The following LINGO2 variants were observed in gnomAD, a reference collection of about 807,000 sequenced individuals.
LINGO2 encodes the protein leucine-rich repeat and immunoglobulin-like domain-containing nogo receptor-interacting protein 2.
LINGO2 carries 14 observed loss-of-function variants against 30.6 expected under a neutral mutation model. The ratio of observed to expected loss-of-function variants is 0.46; its 90% CI spans 0.30 to 0.72. The LOEUF is 0.72. Among genes scored for constraint, LINGO2 ranks in the 30% least tolerant of loss-of-function variants. LINGO2 has a pLI of 0.07. For missense variants in LINGO2, 729 were observed against 751.7 expected (o/e 0.97, Z 0.35); for synonymous variants, 317 against 288.5 (o/e 1.10, Z -1.00).
chr9:28,274,189 C>G (rs750887459), intron 4 of LINGO2, among the ~76,000 whole-genome samples: 3 of 152,152 alleles, frequency 2.0e-5, no homozygotes, highest in African/African-American at 7.2e-5. Context: ...CTAACCATAT[C>G]AAAATAATGT....
intron 1 of LINGO2, among the ~76,000 whole-genome samples, chr9:28,533,308 A>G (rs1821305420): frequency 6.6e-6 from 1 of 152,006 alleles, no homozygotes; most frequent in Non-Finnish European, 1.5e-5. Flanking sequence ...TGAAGGCTGC[A>G]CCGTCCGCTT....
At chr9:29,018,098 T>G in the LINGO2 span, among the ~76,000 whole-genome samples, 1 of 132,828 alleles carries the variant, frequency 7.5e-6, no homozygotes, top group Non-Finnish European at 1.5e-5. Context: ...ATTTTATATA[T>G]ATATATATAT....
chr9:28,777,419 T>A, the LINGO2 span, among the ~76,000 whole-genome samples: 4 of 152,162 alleles, frequency 2.6e-5, no homozygotes, highest in Non-Finnish European at 5.9e-5. Flanking sequence ...AAAATTCCCA[T>A]TCTGTTTTCT....
chr9:28,467,365 A>T (rs1825357929), intron 2 of LINGO2, among the ~76,000 whole-genome samples: 1 of 152,096 alleles, frequency 6.6e-6, no homozygotes, highest in Non-Finnish European at 1.5e-5. Flanking sequence ...TCTCCTTTCA[A>T]ATCATATACT....
the LINGO2 span, among the ~76,000 whole-genome samples, chr9:28,868,445 G>C: frequency 6.6e-6 from 1 of 151,996 alleles, no homozygotes; most frequent in East Asian, 1.9e-4. Flanking sequence ...ATGTGTGTAT[G>C]TTTTCTCTTT....
At chr9:27,981,581 G>GAA (rs1429861888) in intron 5 of LINGO2, among the ~76,000 whole-genome samples, 1 of 84,544 alleles carries the variant, frequency 1.2e-5, no homozygotes, top group African/African-American at 4.5e-5. Flanking sequence ...AAAAAAAAAA[G>GAA]AAAAAAAATT....
the LINGO2 span, among the ~76,000 whole-genome samples, chr9:28,910,831 T>G: frequency 6.6e-6 from 1 of 151,928 alleles, no homozygotes; most frequent in African/African-American, 2.4e-5. Flanking sequence ...TATACACACC[T>G]AAAGATACTA....
intron 1 of LINGO2, among the ~76,000 whole-genome samples, chr9:28,494,825 G>A (rs1383049591): frequency 1.3e-5 from 2 of 152,190 alleles, no homozygotes; most frequent in East Asian, 3.8e-4. Flanking sequence ...CAACTTTACA[G>A]TCCCACCAAC....
intron 4 of LINGO2, among the ~76,000 whole-genome samples, chr9:28,081,319 C>T (rs568636447): frequency 1.3e-5 from 2 of 150,634 alleles, no homozygotes; most frequent in African/African-American, 2.4e-5. Flanking sequence ...TTCACATTCA[C>T]ATTTTATTCA....
At chr9:28,757,457 G>T in the LINGO2 span, among the ~76,000 whole-genome samples, 1 of 151,936 alleles carries the variant, frequency 6.6e-6, no homozygotes, top group Non-Finnish European at 1.5e-5. Context: ...TCAAATTGTG[G>T]TTATGCTACT....
the LINGO2 span, among the ~76,000 whole-genome samples, chr9:28,871,993 A>T: frequency 6.6e-6 from 1 of 152,022 alleles, no homozygotes; most frequent in African/African-American, 2.4e-5. Flanking sequence ...GGGGAGTGTC[A>T]CAATATAGTC....
intron 1 of LINGO2, among the ~76,000 whole-genome samples, chr9:28,575,267 G>A (rs959707469): frequency 3.3e-5 from 5 of 151,742 alleles, no homozygotes; most frequent in South Asian, 2.1e-4. Flanking sequence ...GCGCAGTGGC[G>A]GGCGCCTGTA....
intron 1 of LINGO2, among the ~76,000 whole-genome samples, chr9:28,533,157 G>C (rs1587816229): frequency 6.6e-6 from 1 of 152,080 alleles, no homozygotes. Flanking sequence ...GGGCTGACTT[G>C]CTGAGTTTTC....
chr9:28,318,450 C>T (rs1824922890), intron 3 of LINGO2, among the ~76,000 whole-genome samples: 1 of 151,986 alleles, frequency 6.6e-6, no homozygotes, highest in African/African-American at 2.4e-5. Context: ...TTAGTAGAAC[C>T]TCATGATAAC....
intron 1 of LINGO2, among the ~76,000 whole-genome samples, chr9:28,511,599 C>G (rs982461012): frequency 6.6e-6 from 1 of 152,178 alleles, no homozygotes; most frequent in Non-Finnish European, 1.5e-5. Flanking sequence ...CTGAGGTCAC[C>G]CGTTGGTGAG....
At chr9:28,652,728 A>C (rs112785607) in intron 1 of LINGO2, among the ~76,000 whole-genome samples, 3 of 152,136 alleles carry the variant, frequency 2.0e-5, no homozygotes, top group African/African-American at 7.2e-5. Flanking sequence ...AAGGAAAAAA[A>C]GTAGTGCCTC....
At chr9:28,105,437 G>C (rs1365144422) in intron 4 of LINGO2, among the ~76,000 whole-genome samples, 1 of 152,136 alleles carries the variant, frequency 6.6e-6, no homozygotes, top group African/African-American at 2.4e-5. Context: ...GATAAATCAT[G>C]ATAGTGAAAA....
intron 4 of LINGO2, among the ~76,000 whole-genome samples, chr9:28,013,831 G>C (rs143290860): frequency 1.3e-5 from 2 of 152,150 alleles, no homozygotes; most frequent in South Asian, 4.1e-4. Context: ...ACATGAAATT[G>C]GAAGATGATA....
intron 1 of LINGO2, among the ~76,000 whole-genome samples, chr9:28,524,008 T>C (rs1820923580): frequency 6.6e-6 from 1 of 151,976 alleles, no homozygotes; most frequent in Non-Finnish European, 1.5e-5. Flanking sequence ...ATCAGTGAAC[T>C]TCCAGATTTT....
Sources: gnomAD v4.1 joint callset for allele counts (sites outside exome capture counted in the v4.1 genomes callset) on GRCh38, gnomAD v4.1.1 for gene constraint, MANE v1.5 for transcripts, NCBI Gene and HGNC (gene_info 2026-07-23, HGNC 2026-07-21) for gene names.